FOXI1: variants seen among roughly 807,000 people sequenced by gnomAD.
The protein encoded by FOXI1 is forkhead box protein I1.
FOXI1 carries 11 observed loss-of-function variants against 16.4 expected under a neutral mutation model. That is an observed-to-expected ratio of 0.67 (90% CI 0.42 to 1.11). The LOEUF (loss-of-function observed/expected upper bound fraction) is 1.11, where lower values mean the gene tolerates loss of function less well. FOXI1 is among the 50% of genes least tolerant of loss of function. The pLI, the probability that FOXI1 is intolerant of heterozygous loss-of-function variation, is 0.00. For missense variants in FOXI1, 480 were observed against 506.1 expected, an observed-to-expected ratio of 0.95 and a Z score of 0.49; for synonymous variants, 218 against 211.5, an observed-to-expected ratio of 1.03 and a Z score of -0.27.
intron 1 of FOXI1, chr5:170,107,040 T>G: frequency 1.0e-6 from 1 of 983,196 alleles, no homozygotes; most frequent in Non-Finnish European, 1.2e-6. Context: ...CCCATTTTGC[T>G]GCCTGCCTTG....
Position 170,106,325 on chromosome 5 carries a change from G to A in FOXI1, c.368G>A (p.Arg123Gln), listed in dbSNP as rs1470018688. The change falls in exon 1 of 2, where the codon CGG (arginine) becomes CAG (glutamine). Residue 123 changes from arginine (R) to glutamine (Q), a missense_variant. Transcript: ENST00000306268. ...PSQEELMKLV[R>Q]PPYSYSALIA... ...CAGGAGGAGCTGATGAAGCTGGTGC[G>A]GCCACCCTATTCCTACTCGGCTCTC... 4 of 1,600,126 alleles carry A rather than the reference G, an allele frequency of 2.5e-6. No individual in the cohort carries two copies. The highest frequency in any genetic ancestry group is 1.7e-5 in the Admixed American group (1 of 57,750).
Position 170,108,519 on chromosome 5 carries a change from G to T in FOXI1, c.1045G>T (p.Gly349Ter). The T allele has an allele frequency of 1.9e-6, 3 of 1,609,878 alleles. No homozygotes were observed. The highest frequency in any genetic ancestry group is 2.5e-6 in the Non-Finnish European group (3 of 1,177,418). The stretch of plus-strand genomic sequence containing the variant: ...CATGCCCACCAACATGCTCAGCTAT[G>T]GAGGATCTGTGCTCAGCCAATTCAG... ...NPMPTNMLSY[G>*]GSVLSQFSPH... Residue 349 changes from glycine to a stop codon, truncating the protein, a stop_gained, in exon 2 of 2, where the codon GGA (glycine) becomes TGA (stop). Coordinates refer to ENST00000306268, the MANE Select transcript of FOXI1 (RefSeq NM_012188.5). LOFTEE classifies it high-confidence loss of function.
Position 170,109,339 on chromosome 5 carries a change from C to G in FOXI1, c.*728C>G, listed in dbSNP as rs1758597184. On this transcript the variant is annotated 3_prime_UTR_variant, in exon 2 of 2. Transcript: ENST00000306268. ...TGTGCGATGCATCCCCATGGAGAGA[C>G]AGCATTGCTCCCCAGCCCTCCAGAA... 1 of 152,358 alleles carries G rather than the reference C, an allele frequency of 6.6e-6. No individual in the cohort carries two copies. The highest frequency in any genetic ancestry group is 2.4e-5 in the African/African-American group (1 of 41,452). 9.4% of individuals were successfully genotyped at this position (152,358 alleles called of 1,614,324 possible). A position where few individuals can be genotyped will look rare whatever the true frequency, so the allele number is the denominator to read the frequency against.
intron 1 of FOXI1, chr5:170,106,874 C>T (rs187305420): frequency 1.9e-4 from 88 of 469,030 alleles, no homozygotes; most frequent in African/African-American, 3.1e-4. Flanking sequence ...TGTTATCAAG[C>T]GCTTAATCGC....
At chr5:170,106,575 A>C in intron 1 of FOXI1, 44 bp downstream of exon 1, 1 of 1,609,028 alleles carries the variant, frequency 6.2e-7, no homozygotes, top group Non-Finnish European at 8.5e-7. Flanking sequence ...AGGAAGACTC[A>C]CTTCCTTCCT....
rs770762547 is a variant in FOXI1, at chr5:170,106,518, C to T, written c.561C>T (p.Asp187=). 1.5e-5 allele frequency: 25 copies of T among 1,614,126 alleles called. No individual in the cohort carries two copies. Among genetic ancestry groups the T allele is most frequent in the Non-Finnish European group, 2.0e-5 (24 of 1,180,048 alleles). ...LNDCFKKVPR[D]EDDPGKGNYW... The stretch of plus-strand genomic sequence containing the variant: ...ACTGCTTCAAGAAGGTGCCCCGCGA[C>T]GAGGACGACCCGGGTAAGGAGGCTT... The change falls in exon 1 of 2, where the codon GAC becomes GAT. Residue 187 remains aspartate (D), a synonymous_variant. Transcript: ENST00000306268.
chr5:170,106,982 A>G, intron 1 of FOXI1: 1 of 985,448 alleles, frequency 1.0e-6, no homozygotes, highest in Non-Finnish European at 1.2e-6. Context: ...AGGGCATCCC[A>G]AGACTGCCAG....
At position 170,108,684 on chromosome 5, in the gene FOXI1, C is replaced by A; in HGVS notation, c.*73C>A. Reference sequence around the variant, plus strand: ...GTAGAGGTCCTCCATGCCAGCCCCACGGTGGTCCATGACTGCGGAACTGCC... The same window carrying A: ...GTAGAGGTCCTCCATGCCAGCCCCAAGGTGGTCCATGACTGCGGAACTGCC... On this transcript the variant is annotated 3_prime_UTR_variant, in exon 2 of 2. Coordinates refer to ENST00000306268, the MANE Select transcript of FOXI1 (RefSeq NM_012188.5). The A allele has an allele frequency of 1.6e-6, 2 of 1,215,180 alleles. No individual in the cohort carries two copies. The highest frequency in any genetic ancestry group is 2.3e-5 in the East Asian group (1 of 43,060). 75.3% of individuals were successfully genotyped at this position (1,215,180 alleles called of 1,614,324 possible). A position where few individuals can be genotyped will look rare whatever the true frequency, so the allele number is the denominator to read the frequency against.
chr5:170,108,153 G>C lies in FOXI1; in HGVS notation c.679G>C (p.Ala227Pro). 7 of 1,614,082 alleles carry C rather than the reference G, an allele frequency of 4.3e-6. No homozygotes were observed. Among genetic ancestry groups the C allele is most frequent in the Non-Finnish European group, 5.1e-6 (6 of 1,179,932 alleles). ...KRKSDVSSST[A>P]SLALEKTESS... ...AAAATCAGATGTTTCCTCTAGCACA[G>C]CCTCCTTGGCCTTAGAGAAGACAGA... Residue 227 changes from alanine to proline, a missense_variant, in exon 2 of 2, where the codon GCC becomes CCC. Physicochemically the swap from Ala to Pro is conservative, Grantham distance 27. This residue lies in a region of FOXI1 where 257 missense variants were observed against 262.2 expected (regional missense o/e 0.98). Coordinates refer to ENST00000306268, the MANE Select transcript of FOXI1 (RefSeq NM_012188.5).
Position 170,106,154 on chromosome 5 carries a change from A to G in FOXI1, c.197A>G (p.Asn66Ser), listed in dbSNP as rs757195384. Reference protein sequence around the residue: ...GATPNPYLWFNGPTMTPPPYL... With the variant: ...GATPNPYLWFSGPTMTPPPYL... ...ACCCCCAACCCCTACCTCTGGTTCA[A>G]CGGGCCCACCATGACCCCGCCACCC... The change falls in exon 1 of 2, where the codon AAC (asparagine) becomes AGC (serine). Residue 66 changes from asparagine (N) to serine (S), a missense_variant. Physicochemically the swap from Asn to Ser is conservative, Grantham distance 46. This residue lies in a region of FOXI1 where 219 missense variants were observed against 222.9 expected (regional missense o/e 0.98). Transcript: ENST00000306268. The G allele has an allele frequency of 1.2e-6, 2 of 1,607,364 alleles. No homozygotes were observed. The highest frequency in any genetic ancestry group is 1.3e-5 in the African/African-American group (1 of 74,830).
chr5:170,105,948 C>T lies in FOXI1; in HGVS notation c.-10C>T. ...GCCAGGCAGGTGGCTCCGGCCAGCC[C>T]AGCCCCAGCATGAGCTCCTTCGACC... On this transcript the variant is annotated 5_prime_UTR_variant, in exon 1 of 2. Transcript: ENST00000306268. The T allele has an allele frequency of 6.2e-7, 1 of 1,602,650 alleles. No individual in the cohort carries two copies. The highest frequency in any genetic ancestry group is 1.1e-5 in the South Asian group (1 of 90,428).
rs770055886 is a variant in FOXI1, at chr5:170,106,164, C to T, written c.207C>T (p.Thr69=). The change falls in exon 1 of 2, where the codon ACC becomes ACT. Residue 69 remains threonine, a synonymous_variant. Transcript: ENST00000306268. ...CCTACCTCTGGTTCAACGGGCCCAC[C>T]ATGACCCCGCCACCCTACCTGCCCG... ...PNPYLWFNGP[T]MTPPPYLPGP... The T allele has an allele frequency of 1.7e-5, 27 of 1,603,536 alleles. No individual in the cohort carries two copies. Among genetic ancestry groups the T allele is most frequent in the Non-Finnish European group, 2.1e-5 (25 of 1,174,524 alleles).
rs987899660 is a variant in FOXI1, at chr5:170,108,216, C to T, written c.742C>T (p.Pro248Ser). 1.2e-6 allele frequency: 2 copies of T among 1,614,098 alleles called. No homozygotes were observed. Among genetic ancestry groups the T allele is most frequent in the African/African-American group, 1.3e-5 (1 of 74,940 alleles). The change falls in exon 2 of 2, where the codon CCT (proline) becomes TCT (serine). Residue 248 changes from proline (P) to serine (S), a missense_variant. Pro to Ser is a moderately conservative substitution (Grantham distance 74). Transcript: ENST00000306268. Reference protein sequence around the residue: ...LPVDSPKTTEPQDILDGASPG... With the variant: ...LPVDSPKTTESQDILDGASPG... ...GGTGGACAGCCCCAAGACCACGGAG[C>T]CTCAGGACATCTTGGATGGAGCCTC...
In FOXI1 at chr5:170,108,898, A is replaced by T. The variant is rs1758584651; in HGVS notation, c.*287A>T. On this transcript the variant is annotated 3_prime_UTR_variant, in exon 2 of 2. Transcript: ENST00000306268. ...TGTACTGGCCACACTTACTATTGAC[A>T]GTCACCCCGTAAGGTTCACAAACCA... 2.3e-6 allele frequency: 1 copy of T among 439,616 alleles called. No homozygotes were observed. The highest frequency in any genetic ancestry group is 3.0e-5 in the South Asian group (1 of 33,090). 27.2% of individuals were successfully genotyped at this position (439,616 alleles called of 1,614,324 possible).
At position 170,106,134 on chromosome 5, in the gene FOXI1, C is replaced by T. The variant is rs763835524; in HGVS notation, c.177C>T (p.Pro59=). ...FEGGGEYGAT[P]NPYLWFNGPT... is the part of the protein sequence containing the mutation. ...GGGGCGGCGAGTATGGGGCCACCCC[C>T]AACCCCTACCTCTGGTTCAACGGGC... The change falls in exon 1 of 2, where the codon CCC becomes CCT. Residue 59 remains proline (P), a synonymous_variant. Transcript: ENST00000306268. The T allele has an allele frequency of 6.2e-7, 1 of 1,610,648 alleles. No individual in the cohort carries two copies. Among genetic ancestry groups the T allele is most frequent in the East Asian group, 2.2e-5 (1 of 44,810 alleles).
In FOXI1 at chr5:170,106,352, T is replaced by C; in HGVS notation, c.395T>C (p.Ile132Thr). 6.2e-7 allele frequency: 1 copy of C among 1,611,560 alleles called. No individual in the cohort carries two copies. Among genetic ancestry groups the C allele is most frequent in the Non-Finnish European group, 8.5e-7 (1 of 1,178,672 alleles). Reference sequence around the variant, plus strand: ...CCACCCTATTCCTACTCGGCTCTCATCGCCATGGCCATCCACGGGGCACCC... The same window carrying C: ...CCACCCTATTCCTACTCGGCTCTCACCGCCATGGCCATCCACGGGGCACCC... ...VRPPYSYSAL[I>T]AMAIHGAPDK... The change falls in exon 1 of 2, where the codon ATC becomes ACC. Residue 132 changes from isoleucine (I) to threonine (T), a missense_variant. Transcript: ENST00000306268.
chr5:170,106,908 C>T (rs1758508000), intron 1 of FOXI1: 1 of 805,292 alleles, frequency 1.2e-6, no homozygotes, highest in South Asian at 5.6e-5. Context: ...GATTCATCTG[C>T]ATCTCCAGCA....
At position 170,108,407 on chromosome 5, in the gene FOXI1, G is replaced by A. The variant is rs767490733; in HGVS notation, c.933G>A (p.Lys311=). ...GACTGAGCCCTGAGCCCAGTGACAA[G>A]ACGGGGCAGAACTCACTGACCTTCA... ...TPGLSPEPSD[K]TGQNSLTFNS... is the part of the protein sequence containing the mutation. The change falls in exon 2 of 2, where the codon AAG becomes AAA. Residue 311 remains lysine (K), a synonymous_variant. Transcript: ENST00000306268. 6 of 1,613,548 alleles carry A rather than the reference G, an allele frequency of 3.7e-6. No homozygotes were observed. Among genetic ancestry groups the A allele is most frequent in the Non-Finnish European group, 5.1e-6 (6 of 1,179,598 alleles).
chr5:170,108,287 C>T lies in FOXI1; in HGVS notation c.813C>T (p.Pro271=). 1 of 1,614,174 alleles carries T rather than the reference C, an allele frequency of 6.2e-7. No individual in the cohort carries two copies. The highest frequency in any genetic ancestry group is 8.5e-7 in the Non-Finnish European group (1 of 1,180,014). Residue 271 remains proline (P), a synonymous_variant, in exon 2 of 2, where the codon CCC becomes CCT. Coordinates refer to ENST00000306268, the MANE Select transcript of FOXI1 (RefSeq NM_012188.5). ...CCCCAGAGAAGCGGCCCTCCCCTCC[C>T]CCATCAGGCGCCCCTTGCCTTAACA... ...TSSPEKRPSP[P]PSGAPCLNSF...
Sources: gnomAD v4.1 joint callset for allele counts on GRCh38, gnomAD v4.1.1 for gene constraint, gnomAD v4.1.1 regional missense constraint, MANE v1.5 for transcripts, NCBI Gene and HGNC (gene_info 2026-07-23, HGNC 2026-07-21) for gene names.